SOX6: variants seen among roughly 807,000 people sequenced by gnomAD.
SOX6 encodes the protein SRY-box transcription factor 6.
A neutral mutation model predicts 97.8 loss-of-function variants in SOX6; 11 were observed. The observed-to-expected ratio is 0.11, with a 90% CI of 0.07 to 0.19. SOX6 has a LOEUF of 0.19. Ranked by LOEUF, SOX6 falls within the 10% of genes least tolerant of loss-of-function variation. SOX6 has a pLI of 1.00. For missense variants in SOX6, 810 were observed against 1,039.5 expected (o/e 0.78, Z 3.04); for synonymous variants, 360 against 371.4 (o/e 0.97, Z 0.35).
chr11:16,336,311 C>G (rs920539335), intron 2 of SOX6, among the ~76,000 whole-genome samples: 1 of 152,136 alleles, frequency 6.6e-6, no homozygotes, highest in Admixed American at 6.6e-5. Context: ...GGCCCATTCT[C>G]TGGCCGAGAG....
chr11:16,314,647 A>G (rs1855709323), intron 3 of SOX6: 1 of 152,184 alleles, frequency 6.6e-6, no homozygotes, highest in Non-Finnish European at 1.5e-5. Context: ...ACTTTTGTGG[A>G]AAAATTATTT....
At chr11:16,491,952 C>T (rs950969637) in intron 4 of SOX6, among the ~76,000 whole-genome samples, 16 of 152,036 alleles carry the variant, frequency 1.1e-4, no homozygotes, top group Non-Finnish European at 1.0e-4. Flanking sequence ...GTTCCATGAA[C>T]ACCTTAAAGT....
chr11:16,005,453 A>G (rs1347972155), intron 13 of SOX6, among the ~76,000 whole-genome samples: 2 of 151,972 alleles, frequency 1.3e-5, no homozygotes, highest in South Asian at 2.1e-4. Context: ...TTTATAAAAG[A>G]CTCATTGGAA....
At chr11:16,275,666 G>C (rs1854380130) in intron 3 of SOX6, among the ~76,000 whole-genome samples, 1 of 152,140 alleles carries the variant, frequency 6.6e-6, no homozygotes, top group Non-Finnish European at 1.5e-5. Flanking sequence ...TTAGAGAATA[G>C]GACATTTCAG....
At chr11:16,470,386 C>T (rs1277236819) in intron 1 of SOX6, among the ~76,000 whole-genome samples, 1 of 152,068 alleles carries the variant, frequency 6.6e-6, no homozygotes. Flanking sequence ...CAGTTTTAAA[C>T]AGATTTCTTT....
chr11:16,124,353 A>T (rs1373607065), intron 6 of SOX6, among the ~76,000 whole-genome samples: 1 of 152,142 alleles, frequency 6.6e-6, no homozygotes, highest in Non-Finnish European at 1.5e-5. Context: ...ATGTGTGTAT[A>T]CACATATACA....
chr11:16,365,924 A>G (rs1269917945), intron 1 of SOX6, among the ~76,000 whole-genome samples: 1 of 152,158 alleles, frequency 6.6e-6, no homozygotes, highest in Non-Finnish European at 1.5e-5. Flanking sequence ...TTCTGGTTGC[A>G]GACATATGTG....
intron 3 of SOX6, among the ~76,000 whole-genome samples, chr11:16,259,524 T>C (rs1335930045): frequency 6.6e-6 from 1 of 152,146 alleles, no homozygotes; most frequent in Non-Finnish European, 1.5e-5. Context: ...GCCTTATGAA[T>C]TTATTGTGAA....
chr11:16,536,739 G>C (rs1861314370), intron 4 of SOX6, among the ~76,000 whole-genome samples: 1 of 152,222 alleles, frequency 6.6e-6, no homozygotes, highest in Admixed American at 6.5e-5. Flanking sequence ...GGCTACAGCT[G>C]GGTGGTGGGA....
rs192815825 is a variant in SOX6 at position 16,374,072 on chromosome 11, T to C, written c.-4-32820A>G. Among the ~76,000 whole-genome samples the C allele has an allele frequency of 5.3e-5, 8 of 152,180 alleles. No individual in the cohort carries two copies. In the East Asian group the frequency reaches 1.5e-3, roughly 29 times the overall value. On this transcript the variant is annotated intron_variant, in intron 1 of 15. Transcript: ENST00000396356. ...AGTTACTACAGCTTCCATGCAGATATTATCTCAAAATATTATGCTATATCA... is the reference window on the plus strand; with the variant it reads ...AGTTACTACAGCTTCCATGCAGATACTATCTCAAAATATTATGCTATATCA...
rs576137564 is a variant in SOX6 at position 16,681,113 on chromosome 11, T to C, written n.429+33717A>G. The stretch of plus-strand genomic sequence containing the variant: ...TCAGCTCTGGACCAAGCAGACCTAA[T>C]AGACATCTACAAAACCCTCCACCCC... On this transcript the variant is annotated intron_variant and non_coding_transcript_variant, in intron 3 of 5. Coordinates refer to the SOX6 transcript ENST00000524520. Among the ~76,000 whole-genome samples, 6 of 152,296 alleles carry C rather than the reference T, an allele frequency of 3.9e-5. No homozygotes were observed. In the East Asian group the frequency reaches 7.7e-4, roughly 20 times the overall value.
At chr11:16,100,774 A>T (rs996133112) in intron 7 of SOX6, among the ~76,000 whole-genome samples, 3 of 151,428 alleles carry the variant, frequency 2.0e-5, no homozygotes, top group Non-Finnish European at 3.0e-5. Flanking sequence ...AAAAGCCAAA[A>T]ATCCCATGGG....
At chr11:16,242,057 C>T (rs765927669) in intron 3 of SOX6, among the ~76,000 whole-genome samples, 2 of 151,918 alleles carry the variant, frequency 1.3e-5, no homozygotes, top group Non-Finnish European at 2.9e-5. Context: ...CATACATACA[C>T]GAATGTGCTA....
intron 3 of SOX6, among the ~76,000 whole-genome samples, chr11:16,615,143 A>G (rs1422539317): frequency 6.6e-6 from 1 of 152,220 alleles, no homozygotes; most frequent in Non-Finnish European, 1.5e-5. Context: ...CGAGAACAGT[A>G]CTGAAGTTTC....
At chr11:15,988,972 G>C in intron 14 of SOX6, 25 bp downstream of exon 14, 1 of 1,601,230 alleles carries the variant, frequency 6.2e-7, no homozygotes. Flanking sequence ...GAGAAGATCA[G>C]CTTTAGCTGC....
chr11:16,125,824 A>AAGGAAGGAAGGAAGGT (rs1434244055), intron 6 of SOX6, among the ~76,000 whole-genome samples: 1 of 107,608 alleles, frequency 9.3e-6, no homozygotes, highest in Non-Finnish European at 2.1e-5. Context: ...CATAGGAAGG[A>AAGGAAGGAAGGAAGGT]AGGAAGGAAG....
chr11:16,547,627 A>C (rs1847636835), intron 4 of SOX6, among the ~76,000 whole-genome samples: 1 of 152,104 alleles, frequency 6.6e-6, no homozygotes, highest in Non-Finnish European at 1.5e-5. Flanking sequence ...GATTAGGAAG[A>C]ATGTGTGATT....
chr11:16,427,333 T>TC (rs1315987776), intron 1 of SOX6, among the ~76,000 whole-genome samples: 6 of 150,544 alleles, frequency 4.0e-5, no homozygotes, highest in South Asian at 4.2e-4. Flanking sequence ...ACTTTTCTTT[T>TC]TTTTTTTTAA....
At chr11:16,584,516 C>T (rs1353305087) in intron 4 of SOX6, among the ~76,000 whole-genome samples, 3 of 152,128 alleles carry the variant, frequency 2.0e-5, no homozygotes, top group Non-Finnish European at 2.9e-5. Context: ...CATAGATGCC[C>T]CCACTGCTAC....
Sources: gnomAD v4.1 joint callset for allele counts (sites outside exome capture counted in the v4.1 genomes callset) on GRCh38, gnomAD v4.1.1 for gene constraint, MANE v1.5 for transcripts, NCBI Gene and HGNC (gene_info 2026-07-23, HGNC 2026-07-21) for gene names.